The following SGIP1 variants were observed in gnomAD, a reference collection of about 807,000 sequenced individuals.
SGIP1 encodes the protein SH3-containing GRB2-like protein 3-interacting protein 1.
A neutral mutation model predicts 107.5 loss-of-function variants in SGIP1; 38 were observed. That is an observed-to-expected ratio of 0.35 (90% confidence interval 0.27 to 0.46). The LOEUF is 0.46. Ranked by LOEUF, SGIP1 falls within the 20% of genes least tolerant of loss-of-function variation. The pLI is 1.00. For synonymous variants in SGIP1, 365 were observed against 366.1 expected (o/e 1.00, Z 0.03); for missense variants, 929 against 1,019.5 (o/e 0.91, Z 1.21).
intron 2 of SGIP1, 72 bp from the exon 3 acceptor site, chr1:66,632,998 A>C (rs1455813406): frequency 1.1e-6 from 1 of 950,536 alleles, no homozygotes; most frequent in Non-Finnish European, 1.7e-6. Flanking sequence ...ATTGGTTCTT[A>C]CTGTTGTACT....
chr1:66,626,487 T>A lies in SGIP1; in HGVS notation c.74+577T>A, dbSNP rs992425750. 7.9e-5 allele frequency among the ~76,000 whole-genome samples: 12 copies of A among 152,322 alleles called. No homozygotes were observed. In the East Asian group the frequency reaches 2.3e-3, roughly 29 times the overall value. ...GGGGATGCTTTTACATATTTAAGTGTCATATCCAAGAGAATTAATTGCCCA... is the reference window on the plus strand; with the variant it reads ...GGGGATGCTTTTACATATTTAAGTGACATATCCAAGAGAATTAATTGCCCA... On this transcript the variant is annotated intron_variant, in intron 2 of 24. Transcript: ENST00000371037.
intron 22 of SGIP1, 108 bp downstream of exon 22, chr1:66,739,645 AT>A: frequency 9.4e-7 from 1 of 1,068,990 alleles, no homozygotes; most frequent in Non-Finnish European, 1.4e-6. Flanking sequence ...AGGCCTGTGC[AT>A]TAGGGTTCAG....
chr1:66,692,050 T>C (rs752197204), intron 17 of SGIP1, among the ~76,000 whole-genome samples: 1 of 151,492 alleles, frequency 6.6e-6, no homozygotes, highest in Non-Finnish European at 1.5e-5. Flanking sequence ...TCCCAGCCAC[T>C]TGGGAGGCTG....
At chr1:66,632,153 G>A (rs544488135) in intron 2 of SGIP1, among the ~76,000 whole-genome samples, 1 of 152,282 alleles carries the variant, frequency 6.6e-6, no homozygotes, top group East Asian at 1.9e-4. Flanking sequence ...ACTATTGTAA[G>A]TTCTCTCTAT....
intron 17 of SGIP1, chr1:66,694,556 C>A (rs2090499177): frequency 5.6e-6 from 8 of 1,435,430 alleles, no homozygotes; most frequent in Non-Finnish European, 9.3e-7. Flanking sequence ...AAAATCCAAG[C>A]CATTATCCAT....
At position 66,660,228 on chromosome 1, in the gene SGIP1, A is replaced by AGAGGGAGGGAGGGAGG. The variant is rs754089563; in HGVS notation, c.460-276_460-261dup. ...GAAAGAAAGAAAGAGAAAGAAAGAA[A>AGAGGGAGGGAGGGAGG]GAGGGAGGGAGGGAGGGAGGGAGGA... On this transcript the variant is annotated intron_variant, in intron 7 of 24. Transcript: ENST00000371037. 3 of 229,022 alleles carry AGAGGGAGGGAGGGAGG rather than the reference A, an allele frequency of 1.3e-5. No homozygotes were observed. The Admixed American group carries it at 2.9e-4, about 22-fold the overall frequency. The allele number at this position is 229,022 out of a possible 1,614,324, so 14.2% of individuals were successfully genotyped here.
intron 1 of SGIP1, among the ~76,000 whole-genome samples, chr1:66,566,050 G>T (rs1294760983): frequency 6.6e-6 from 1 of 151,918 alleles, no homozygotes; most frequent in Non-Finnish European, 1.5e-5. Context: ...ACCCAAACTA[G>T]CCATTACACT....
In SGIP1 at chr1:66,637,797, G is replaced by T. The variant is rs115712003; in HGVS notation, c.171+1782G>T. 7.1e-3 allele frequency among the ~76,000 whole-genome samples: 1,058 copies of T among 149,870 alleles called. 17 individuals carry two copies. The highest frequency in any genetic ancestry group is 0.024 in the African/African-American group (988 of 40,970). ...TGTCTATTTATATATATGCATGTGT[G>T]TGTATGTATGTGTGTATGTATATAT... On this transcript the variant is annotated intron_variant, in intron 4 of 24. Transcript: ENST00000371037.
At chr1:66,680,809 G>A (rs2086539913) in intron 14 of SGIP1, among the ~76,000 whole-genome samples, 1 of 152,174 alleles carries the variant, frequency 6.6e-6, no homozygotes, top group South Asian at 2.1e-4. Context: ...ATACTAAGAT[G>A]GCTCATATAG....
rs989113379 is a variant in SGIP1 at position 66,749,042 on chromosome 1, T to C, written c.*5947T>C. ...GAATTTTGTTTTAATTTTAAGAGAA[T>C]TCCTGTCATTTCAAATGAATTGTTA... On this transcript the variant is annotated 3_prime_UTR_variant, in exon 25 of 25. Transcript: ENST00000371037. 6.6e-6 allele frequency among the ~76,000 whole-genome samples: 1 copy of C among 152,090 alleles called. No homozygotes were observed. The highest frequency in any genetic ancestry group is 6.5e-5 in the Admixed American group (1 of 15,276).
intron 19 of SGIP1, among the ~76,000 whole-genome samples, chr1:66,728,184 A>C (rs768778663): frequency 6.6e-6 from 1 of 152,226 alleles, no homozygotes; most frequent in African/African-American, 2.4e-5. Flanking sequence ...ACTTTACCTC[A>C]TGAGTACATA....
rs556769561 is a variant in SGIP1, at chr1:66,565,544, T to C, written c.10+31176T>C. 7.1e-4 allele frequency among the ~76,000 whole-genome samples: 108 copies of C among 152,024 alleles called. 2 individuals are homozygous for C. The highest frequency in any genetic ancestry group is 3.4e-3 in the Middle Eastern group (1 of 294). On this transcript the variant is annotated intron_variant, in intron 1 of 24. Transcript: ENST00000371037. The stretch of plus-strand genomic sequence containing the variant: ...ACAATAGAGCTATACATGAAAACGA[T>C]GAGGCAGTAAAAAAATTCCAAGTGA...
intron 1 of SGIP1, among the ~76,000 whole-genome samples, chr1:66,608,067 A>G (rs2067198121): frequency 6.6e-6 from 1 of 152,198 alleles, no homozygotes. Context: ...ATGGGGCAAG[A>G]ATACTGGCCT....
In SGIP1 at chr1:66,633,091, A is replaced by G. The variant is rs1389096773; in HGVS notation, c.96A>G (p.Gly32=). 3 of 1,532,000 alleles carry G rather than the reference A, an allele frequency of 2.0e-6. No homozygotes were observed. The highest frequency in any genetic ancestry group is 2.7e-6 in the Non-Finnish European group (3 of 1,106,872). 94.9% of individuals were successfully genotyped at this position (1,532,000 alleles called of 1,614,324 possible). A position where few individuals can be genotyped will look rare whatever the true frequency, so the allele number is the denominator to read the frequency against. The part of the protein sequence containing the change: ...TDSTGSPDRD[G]IQPSPHEPPY... Reference sequence around the variant, plus strand: ...ACAGAGGTTCACCAGATAGAGATGGAATTGTAAGTATTTAAATAACCATTT... The same window carrying G: ...ACAGAGGTTCACCAGATAGAGATGGGATTGTAAGTATTTAAATAACCATTT... The change falls in exon 3 of 25, where the codon GGA becomes GGG. Residue 32 remains glycine, a synonymous_variant. Transcript: ENST00000371037.
chr1:66,591,334 A>G (rs2063582248), intron 1 of SGIP1, among the ~76,000 whole-genome samples: 2 of 152,200 alleles, frequency 1.3e-5, no homozygotes, highest in Admixed American at 1.3e-4. Flanking sequence ...CTTAGCCTCA[A>G]CATAAGCCCG....
intron 1 of SGIP1, among the ~76,000 whole-genome samples, chr1:66,612,477 C>T (rs970918401): frequency 6.6e-6 from 1 of 152,204 alleles, no homozygotes; most frequent in Non-Finnish European, 1.5e-5. Flanking sequence ...AAAGACCTTA[C>T]CATTTGAAAT....
At chr1:66,728,773 TA>T (rs1044219701) in intron 19 of SGIP1, among the ~76,000 whole-genome samples, 6 of 151,832 alleles carry the variant, frequency 4.0e-5, no homozygotes, top group African/African-American at 4.8e-5. Flanking sequence ...TATGCAGCCA[TA>T]AAAAAAGAAT....
At chr1:66,670,859 A>T in intron 9 of SGIP1, 136 bp from the exon 10 acceptor site, 1 of 421,310 alleles carries the variant, frequency 2.4e-6, no homozygotes, top group Non-Finnish European at 4.4e-6. Flanking sequence ...TCCTACTTAA[A>T]TGCGGTTCTG....
Position 66,655,888 on chromosome 1 carries a change from C to A in SGIP1, c.460-4625C>A, listed in dbSNP as rs78479705. On this transcript the variant is annotated intron_variant, in intron 7 of 24. Coordinates refer to ENST00000371037, the MANE Select transcript of SGIP1 (RefSeq NM_032291.4). The stretch of plus-strand genomic sequence containing the variant: ...TTGTAAACACTGTACAATTAGGCTA[C>A]CCTAAATTTATAAAATTAGCCTTAT... 1.1e-3 allele frequency among the ~76,000 whole-genome samples: 163 copies of A among 151,516 alleles called. 3 individuals are homozygous for A. In the East Asian group the frequency reaches 0.03, roughly 28 times the overall value.
Sources: allele counts gnomAD v4.1 joint callset (sites outside exome capture counted in the v4.1 genomes callset), GRCh38; gene constraint gnomAD v4.1.1; transcripts MANE v1.5; gene names NCBI Gene and HGNC (gene_info 2026-07-23, HGNC 2026-07-21).